Variants in PTPRD observed in about 807,000 individuals in gnomAD.
PTPRD encodes the protein protein tyrosine phosphatase receptor type D, also known as receptor-type tyrosine-protein phosphatase delta.
A neutral mutation model predicts 214.5 loss-of-function variants in PTPRD; 34 were observed. The observed-to-expected ratio is 0.16, with a 90% confidence interval of 0.12 to 0.21. The LOEUF (loss-of-function observed/expected upper bound fraction) is 0.21, where lower values mean the gene tolerates loss of function less well. Among genes scored for constraint, PTPRD ranks in the 10% least tolerant of loss-of-function variants. The pLI, the probability that PTPRD is intolerant of heterozygous loss-of-function variation, is 1.00. For missense variants in PTPRD, 2,545 were observed against 2,398.7 expected, an observed-to-expected ratio of 1.06 and a Z score of -1.27; for synonymous variants, 1,128 against 845.7, an observed-to-expected ratio of 1.33 and a Z score of -5.79.
intron 5 of PTPRD, among the ~76,000 whole-genome samples, chr9:9,886,106 C>T (rs1182122676): frequency 6.6e-6 from 1 of 152,006 alleles, no homozygotes; most frequent in African/African-American, 2.4e-5. Flanking sequence ...CATTTATACA[C>T]ACCAGCCACT....
At chr9:9,230,057 T>C (rs1472845088) in intron 9 of PTPRD, among the ~76,000 whole-genome samples, 1 of 152,136 alleles carries the variant, frequency 6.6e-6, no homozygotes, top group African/African-American at 2.4e-5. Context: ...ATTAACTCAA[T>C]ATGGTATAAT....
intron 7 of PTPRD, among the ~76,000 whole-genome samples, chr9:9,575,989 C>G (rs1335737977): frequency 6.6e-6 from 1 of 151,962 alleles, no homozygotes; most frequent in African/African-American, 2.4e-5. Context: ...TTAGAAAATT[C>G]ATAAATGACT....
At chr9:9,438,168 A>G (rs745795899) in intron 8 of PTPRD, among the ~76,000 whole-genome samples, 2 of 152,164 alleles carry the variant, frequency 1.3e-5, no homozygotes, top group Non-Finnish European at 2.9e-5. Context: ...GATAATCTCT[A>G]TGAAGATCCT....
At chr9:8,590,124 C>G (rs575498012) in intron 14 of PTPRD, among the ~76,000 whole-genome samples, 2 of 151,930 alleles carry the variant, frequency 1.3e-5, no homozygotes, top group African/African-American at 2.4e-5. Context: ...AGATATAGTA[C>G]AGTCATAATA....
chr9:8,987,955 G>T (rs1197684198), intron 11 of PTPRD, among the ~76,000 whole-genome samples: 1 of 151,996 alleles, frequency 6.6e-6, no homozygotes, highest in Non-Finnish European at 1.5e-5. Context: ...AGAGGAACAG[G>T]TAGCTGAAGA....
chr9:8,793,936 C>G (rs1330583457), intron 11 of PTPRD, among the ~76,000 whole-genome samples: 1 of 152,132 alleles, frequency 6.6e-6, no homozygotes, highest in Non-Finnish European at 1.5e-5. Flanking sequence ...AACTTTTACC[C>G]AAAGGAGAAT....
At chr9:8,963,611 C>A (rs777715493) in intron 11 of PTPRD, among the ~76,000 whole-genome samples, 7 of 151,848 alleles carry the variant, frequency 4.6e-5, no homozygotes, top group Admixed American at 2.6e-4. Flanking sequence ...ATAAAGCCTA[C>A]ATGATCACAA....
chr9:9,219,437 G>A (rs1210120142), intron 9 of PTPRD, among the ~76,000 whole-genome samples: 1 of 151,398 alleles, frequency 6.6e-6, no homozygotes, highest in Non-Finnish European at 1.5e-5. Flanking sequence ...AAACATTATA[G>A]CAAGGAATCT....
chr9:9,828,335 T>C (rs548125024), intron 5 of PTPRD, among the ~76,000 whole-genome samples: 1 of 152,228 alleles, frequency 6.6e-6, no homozygotes, highest in East Asian at 1.9e-4. Context: ...TAAAAAAGGA[T>C]GAGTTCAAGT....
chr9:9,409,869 C>T (rs1313887463), intron 8 of PTPRD, among the ~76,000 whole-genome samples: 2 of 151,744 alleles, frequency 1.3e-5, no homozygotes, highest in Non-Finnish European at 2.9e-5. Context: ...TCGGCATATA[C>T]AATACAGATA....
chr9:8,852,522 C>T (rs552371227), intron 11 of PTPRD, among the ~76,000 whole-genome samples: 27 of 152,244 alleles, frequency 1.8e-4, no homozygotes, highest in Admixed American at 6.5e-5. Context: ...GGACCTGCCA[C>T]GTAAAAGCAG....
chr9:8,378,432 A>AC (rs5896243), intron 37 of PTPRD, among the ~76,000 whole-genome samples: 36,426 of 151,934 alleles, frequency 0.24, 5,055 homozygotes, highest in East Asian at 0.53. Flanking sequence ...GAGAAAAAAA[A>AC]AATTAACAAA....
intron 3 of PTPRD, among the ~76,000 whole-genome samples, chr9:10,196,809 CAG>C (rs2099400131): frequency 2.6e-5 from 4 of 151,822 alleles, no homozygotes; most frequent in African/African-American, 9.7e-5. Context: ...TGATAGTGTT[CAG>C]AAGTGGGGCT....
intron 2 of PTPRD, among the ~76,000 whole-genome samples, chr9:10,564,923 C>T (rs1441439294): frequency 1.3e-5 from 2 of 152,096 alleles, no homozygotes; most frequent in Non-Finnish European, 2.9e-5. Context: ...TTCATCTTCT[C>T]TCTTTCATAA....
intron 2 of PTPRD, among the ~76,000 whole-genome samples, chr9:10,393,305 TTG>T (rs200121575): frequency 1.3e-5 from 2 of 150,296 alleles, no homozygotes; most frequent in Admixed American, 6.7e-5. Flanking sequence ...GTGTGTGTGT[TTG>T]TGTGTGTGTG....
intron 5 of PTPRD, among the ~76,000 whole-genome samples, chr9:9,890,177 T>C (rs950309495): frequency 6.6e-6 from 1 of 152,064 alleles, no homozygotes. Context: ...ACTAGTAAAT[T>C]AAGGTTACTA....
intron 8 of PTPRD, among the ~76,000 whole-genome samples, chr9:9,452,999 C>T (rs1319855169): frequency 1.4e-5 from 2 of 144,190 alleles, no homozygotes; most frequent in East Asian, 4.1e-4. Flanking sequence ...TTTTGTGTGA[C>T]ATTTAACTGA....
intron 2 of PTPRD, among the ~76,000 whole-genome samples, chr9:10,349,660 C>T (rs925573196): frequency 2.0e-5 from 3 of 152,054 alleles, no homozygotes; most frequent in Non-Finnish European, 4.4e-5. Context: ...ATTTTCATTT[C>T]ATAATATCTG....
chr9:9,909,317 G>GTTT (rs71308854), intron 5 of PTPRD, among the ~76,000 whole-genome samples: 5 of 138,326 alleles, frequency 3.6e-5, no homozygotes, highest in Admixed American at 1.5e-4. Flanking sequence ...TAATCTGAAA[G>GTTT]TTTTTTTTTT....
Sources: gnomAD v4.1 joint callset for allele counts (sites outside exome capture counted in the v4.1 genomes callset) on GRCh38, gnomAD v4.1.1 for gene constraint, MANE v1.5 for transcripts, NCBI Gene and HGNC (gene_info 2026-07-23, HGNC 2026-07-21) for gene names.